Variants in CSNK1G3 observed in about 807,000 individuals in gnomAD.
The protein encoded by CSNK1G3 is casein kinase 1 gamma 3, also known as casein kinase I isoform gamma-3.
A neutral mutation model predicts 64.3 loss-of-function variants in CSNK1G3; 23 were observed. The observed-to-expected ratio is 0.36, with a 90% confidence interval of 0.26 to 0.51. The LOEUF is 0.51. Ranked by LOEUF, CSNK1G3 falls within the 20% of genes least tolerant of loss-of-function variation. The pLI, the probability that CSNK1G3 is intolerant of heterozygous loss-of-function variation, is 0.96. For missense variants in CSNK1G3, 357 were observed against 510.5 expected, an observed-to-expected ratio of 0.70 and a Z score of 2.90; for synonymous variants, 158 against 162.2, an observed-to-expected ratio of 0.97 and a Z score of 0.20.
chr5:123,553,196 T>C, intron 3 of CSNK1G3, 49 bp downstream of exon 3: 1 of 967,310 alleles, frequency 1.0e-6, no homozygotes. Context: ...TGTTACTTTT[T>C]AAGTAACTTA....
chr5:123,588,261 G>A, intron 7 of CSNK1G3, 108 bp downstream of exon 7: 2 of 1,037,572 alleles, frequency 1.9e-6, no homozygotes, highest in Non-Finnish European at 2.9e-6. Flanking sequence ...TTTGTAAGTA[G>A]GCATCAGGGC....
At chr5:123,559,437 G>T (rs957476020) in intron 4 of CSNK1G3, among the ~76,000 whole-genome samples, 1 of 152,168 alleles carries the variant, frequency 6.6e-6, no homozygotes, top group Non-Finnish European at 1.5e-5. Flanking sequence ...CTATGTCAGA[G>T]ATAGTAAGAA....
At chr5:123,609,027 G>A (rs1795849157) in intron 12 of CSNK1G3, among the ~76,000 whole-genome samples, 1 of 152,176 alleles carries the variant, frequency 6.6e-6, no homozygotes, top group Admixed American at 6.6e-5. Context: ...AAGGGAAATG[G>A]ATAGAAGGAG....
chr5:123,587,116 A>G (rs903431345), intron 6 of CSNK1G3, among the ~76,000 whole-genome samples: 1 of 152,232 alleles, frequency 6.6e-6, no homozygotes, highest in Non-Finnish European at 1.5e-5. Flanking sequence ...CAACCAAACC[A>G]TATCAACAAG....
intron 4 of CSNK1G3, among the ~76,000 whole-genome samples, chr5:123,566,416 AATAATTT>A (rs1786885618): frequency 6.6e-6 from 1 of 152,222 alleles, no homozygotes; most frequent in African/African-American, 2.4e-5. Context: ...ATCAAATAAA[AATAATTT>A]TAGAACCACT....
At chr5:123,549,166 T>A (rs1348872057) in intron 2 of CSNK1G3, among the ~76,000 whole-genome samples, 2 of 152,238 alleles carry the variant, frequency 1.3e-5, no homozygotes, top group Non-Finnish European at 2.9e-5. Flanking sequence ...GTGTTGGTAG[T>A]AAGGTTTGCA....
intron 1 of CSNK1G3, among the ~76,000 whole-genome samples, chr5:123,543,251 G>T (rs1376584828): frequency 1.3e-5 from 2 of 152,066 alleles, no homozygotes; most frequent in Non-Finnish European, 2.9e-5. Context: ...CTTCAGTTGG[G>T]ACAGTCTAGA....
chr5:123,580,065 A>C (rs950739720), intron 6 of CSNK1G3, among the ~76,000 whole-genome samples: 8 of 151,972 alleles, frequency 5.3e-5, no homozygotes, highest in Non-Finnish European at 8.8e-5. Context: ...TTTTGTGAGG[A>C]GTCAGGAAGA....
intron 6 of CSNK1G3, among the ~76,000 whole-genome samples, chr5:123,583,401 C>A (rs538388460): frequency 2.0e-5 from 3 of 149,072 alleles, no homozygotes. Context: ...GCTCTTGTTG[C>A]GCAGGCTGGA....
At chr5:123,545,810 T>A in exon 2 of CSNK1G3, 5 of 1,613,616 alleles carry the variant, frequency 3.1e-6, no homozygotes, top group Non-Finnish European at 4.2e-6. Context: ...GAAAAAAAAT[T>A]GGATGTGGCA....
intron 1 of CSNK1G3, among the ~76,000 whole-genome samples, chr5:123,534,855 G>A (rs1780530733): frequency 6.6e-6 from 1 of 152,100 alleles, no homozygotes; most frequent in African/African-American, 2.4e-5. Flanking sequence ...ATTTTAATAA[G>A]TTGTAACACA....
intron 12 of CSNK1G3, among the ~76,000 whole-genome samples, chr5:123,612,935 A>G (rs1334280324): frequency 6.6e-6 from 1 of 152,212 alleles, no homozygotes; most frequent in Admixed American, 6.5e-5. Context: ...AAACATGCCC[A>G]CATACCCACA....
chr5:123,573,582 A>G (rs575898582), intron 5 of CSNK1G3, 41 bp downstream of exon 5: 1 of 1,522,068 alleles, frequency 6.6e-7, no homozygotes, highest in South Asian at 1.3e-5. Context: ...GAACAATTAC[A>G]TGGTTGTTGG....
Position 123,605,333 on chromosome 5 carries a change from G to C in CSNK1G3, c.1194-6G>C. On this transcript the variant is annotated splice_polypyrimidine_tract_variant and splice_region_variant and intron_variant, in intron 11 of 12. Transcript: ENST00000345990. ...CTTGTATTTTTTTTTTTGTGTGTGCGTATAGCTGCCAGAAAGTGTTGAACA... is the reference window on the plus strand; with the variant it reads ...CTTGTATTTTTTTTTTTGTGTGTGCCTATAGCTGCCAGAAAGTGTTGAACA... The C allele has an allele frequency of 3.1e-6, 5 of 1,604,274 alleles. No homozygotes were observed. Among genetic ancestry groups the C allele is most frequent in the East Asian group, 2.2e-5 (1 of 44,664 alleles).
At chr5:123,533,644 C>T (rs1416430909) in intron 1 of CSNK1G3, among the ~76,000 whole-genome samples, 3 of 151,294 alleles carry the variant, frequency 2.0e-5, no homozygotes, top group African/African-American at 7.3e-5. Context: ...ATTATTCCCC[C>T]ACTTTGTTCT....
Position 123,550,329 on chromosome 5 carries a change from C to T in CSNK1G3, c.179-2778C>T, listed in dbSNP as rs1253214393. ...TAATTGCTTTAGCTGTTTCCATCTC[C>T]CAGCCAGGAAGAATAAAGAAAAAAA... On this transcript the variant is annotated intron_variant, in intron 2 of 12. Transcript: ENST00000345990. 5.9e-5 allele frequency among the ~76,000 whole-genome samples: 9 copies of T among 152,274 alleles called. No individual in the cohort carries two copies. The East Asian group carries it at 1.7e-3, about 29-fold the overall frequency.
At chr5:123,522,809 T>C (rs1778361810) in intron 1 of CSNK1G3, among the ~76,000 whole-genome samples, 1 of 152,196 alleles carries the variant, frequency 6.6e-6, no homozygotes. Flanking sequence ...CAATTGTACT[T>C]AGCATCCTTA....
rs1441402666 is a variant in CSNK1G3 at position 123,545,464 on chromosome 5, CAT to C, written c.-199_-198del. 1.6e-5 allele frequency: 7 copies of C among 440,664 alleles called. No individual in the cohort carries two copies. The highest frequency in any genetic ancestry group is 2.8e-5 in the Non-Finnish European group (7 of 246,240). 27.3% of individuals were successfully genotyped at this position (440,664 alleles called of 1,614,324 possible). ...ATCATTGAAAAGATAATTTTGAAGA[CAT>C]GTTTTGCTGAAAAGACACTAAGAAA... On this transcript the variant is annotated 5_prime_UTR_variant, in exon 2 of 13. An upstream start codon of the reference 5' UTR is lost. Coordinates refer to ENST00000345990, the Ensembl canonical transcript of CSNK1G3.
At chr5:123,562,001 A>G (rs929719452) in intron 4 of CSNK1G3, among the ~76,000 whole-genome samples, 14 of 152,106 alleles carry the variant, frequency 9.2e-5, no homozygotes, top group African/African-American at 2.4e-4. Context: ...TATCTCAACC[A>G]GCTTTTTACC....
Sources: allele counts gnomAD v4.1 joint callset (sites outside exome capture counted in the v4.1 genomes callset), GRCh38; gene constraint gnomAD v4.1.1; transcripts MANE v1.5; gene names NCBI Gene and HGNC (gene_info 2026-07-23, HGNC 2026-07-21).